UNC5C: variants seen among roughly 807,000 people sequenced by gnomAD.
UNC5C encodes netrin receptor UNC5C.
A neutral mutation model predicts 99.8 loss-of-function variants in UNC5C; 47 were observed. The ratio of observed to expected loss-of-function variants is 0.47; its 90% confidence interval spans 0.37 to 0.60. UNC5C has a LOEUF of 0.60. UNC5C is among the 20% of genes least tolerant of loss of function. The probability of loss-of-function intolerance (pLI) is 0.00; values close to 1 mark genes in which losing one functional copy is unlikely to be tolerated. For missense variants in UNC5C, 1,062 were observed against 1,165.9 expected (o/e 0.91, Z 1.30); for synonymous variants, 487 against 452.2 (o/e 1.08, Z -0.98).
intron 1 of UNC5C, among the ~76,000 whole-genome samples, chr4:95,413,604 G>A (rs181349022): frequency 6.6e-6 from 1 of 152,200 alleles, no homozygotes; most frequent in Non-Finnish European, 1.5e-5. Context: ...GGAAATGAAG[G>A]TTTGAAAGCT....
chr4:95,390,247 G>A (rs1745318923), intron 1 of UNC5C, among the ~76,000 whole-genome samples: 1 of 152,112 alleles, frequency 6.6e-6, no homozygotes, highest in Non-Finnish European at 1.5e-5. Context: ...TTGTTAAGAT[G>A]CTTAGCCTGA....
Position 95,167,253 on chromosome 4 carries a change from G to C in UNC5C, c.*1981C>G, listed in dbSNP as rs1579189783. 6.6e-6 allele frequency: 1 copy of C among 152,184 alleles called. No individual in the cohort carries two copies. Among genetic ancestry groups the C allele is most frequent in the South Asian group, 2.1e-4 (1 of 4,824 alleles). The allele number at this position is 152,184 out of a possible 1,614,324, so 9.4% of individuals were successfully genotyped here. On this transcript the variant is annotated 3_prime_UTR_variant, in exon 16 of 16. Coordinates refer to ENST00000453304, the MANE Select transcript of UNC5C (RefSeq NM_003728.4). ...TTCCGATTCATACACATGTCTGCTT[G>C]TTCTTCAGTTTTGGTTTTGCTACTG... is the stretch of plus-strand genomic sequence containing the variant.
intron 1 of UNC5C, among the ~76,000 whole-genome samples, chr4:95,514,981 G>A (rs1485446804): frequency 6.6e-6 from 1 of 151,934 alleles, no homozygotes; most frequent in African/African-American, 2.4e-5. Context: ...CCTAAATGAG[G>A]AGATATTTAA....
intron 14 of UNC5C, among the ~76,000 whole-genome samples, chr4:95,173,862 A>G (rs1318839997): frequency 6.6e-6 from 1 of 151,974 alleles, no homozygotes; most frequent in Non-Finnish European, 1.5e-5. Flanking sequence ...CTGTGAATCC[A>G]TCTGGTCCTG....
chr4:95,263,777 A>G (rs1740332687), intron 4 of UNC5C, among the ~76,000 whole-genome samples: 2 of 152,198 alleles, frequency 1.3e-5, no homozygotes, highest in Admixed American at 6.5e-5. Flanking sequence ...GTGAGGTTTG[A>G]AAAGGATACT....
intron 7 of UNC5C, among the ~76,000 whole-genome samples, chr4:95,228,412 A>G (rs923282930): frequency 6.6e-6 from 1 of 152,256 alleles, no homozygotes; most frequent in South Asian, 2.1e-4. Flanking sequence ...AAATGTCATA[A>G]CTTCTGAACA....
chr4:95,236,517 G>T (rs1375385757), intron 7 of UNC5C, among the ~76,000 whole-genome samples: 1 of 151,530 alleles, frequency 6.6e-6, no homozygotes, highest in African/African-American at 2.4e-5. Context: ...CACGAACGTG[G>T]CACATGTATA....
At position 95,483,578 on chromosome 4, in the gene UNC5C, C is replaced by T. The variant is rs569591854; in HGVS notation, c.124+65156G>A. ...GAATGAATTTAGTAAGGCTGAGAAA[C>T]AGACCCTTTTATGGTTCTATATTGT... On this transcript the variant is annotated intron_variant, in intron 1 of 15. Transcript: ENST00000453304. Among the ~76,000 whole-genome samples, 19 of 151,840 alleles carry T rather than the reference C, an allele frequency of 1.3e-4. No individual in the cohort carries two copies. The East Asian group carries it at 3.5e-3, about 28-fold the overall frequency.
At chr4:95,504,135 C>T (rs1721849067) in intron 1 of UNC5C, among the ~76,000 whole-genome samples, 1 of 152,146 alleles carries the variant, frequency 6.6e-6, no homozygotes, top group Non-Finnish European at 1.5e-5. Flanking sequence ...TGAAGTCCCA[C>T]CGACATTTTC....
intron 2 of UNC5C, among the ~76,000 whole-genome samples, chr4:95,319,375 T>C (rs1742594193): frequency 6.6e-6 from 1 of 152,180 alleles, no homozygotes; most frequent in Non-Finnish European, 1.5e-5. Flanking sequence ...GGAAACTTTC[T>C]TCCAGAACAC....
chr4:95,447,508 T>A (rs1258601123), intron 1 of UNC5C, among the ~76,000 whole-genome samples: 4 of 152,198 alleles, frequency 2.6e-5, no homozygotes, highest in Admixed American at 2.6e-4. Flanking sequence ...TATTTATTTT[T>A]TTATTTATTT....
chr4:95,528,171 A>AGCTTTTTGAATTTAAAATC (rs1232425406), intron 1 of UNC5C, among the ~76,000 whole-genome samples: 1 of 152,218 alleles, frequency 6.6e-6, no homozygotes, highest in African/African-American at 2.4e-5. Flanking sequence ...TAGGCAAAAC[A>AGCTTTTTGAATTTAAAATC]TTCTTATGTT....
At chr4:95,185,423 A>G (rs906294363) in intron 12 of UNC5C, among the ~76,000 whole-genome samples, 4 of 152,204 alleles carry the variant, frequency 2.6e-5, no homozygotes, top group African/African-American at 9.7e-5. Context: ...TTGGCAGTCT[A>G]CATCACACTG....
At position 95,174,921 on chromosome 4, in the gene UNC5C, G is replaced by A. The variant is rs941158336; in HGVS notation, c.2452-4589C>T. Among the ~76,000 whole-genome samples, 6 of 149,976 alleles carry A rather than the reference G, an allele frequency of 4.0e-5. No homozygotes were observed. In the South Asian group the frequency reaches 1.0e-3, roughly 26 times the overall value. ...CTCAGGACTTGCTTTATGAATCTGGGTGCTCCTGTATTGGGTGCATATATA... is the reference window on the plus strand; with the variant it reads ...CTCAGGACTTGCTTTATGAATCTGGATGCTCCTGTATTGGGTGCATATATA... On this transcript the variant is annotated intron_variant, in intron 14 of 15. Transcript: ENST00000453304.
At chr4:95,310,967 G>C (rs1742254716) in intron 2 of UNC5C, among the ~76,000 whole-genome samples, 2 of 152,036 alleles carry the variant, frequency 1.3e-5, no homozygotes, top group Admixed American at 6.5e-5. Context: ...TCTTTCCTTT[G>C]TGCGAGCATC....
chr4:95,182,492 G>T (rs1258539058), intron 14 of UNC5C, among the ~76,000 whole-genome samples: 3 of 152,108 alleles, frequency 2.0e-5, no homozygotes, highest in Non-Finnish European at 4.4e-5. Context: ...AGGGAGGAGA[G>T]TTGCTGAGAA....
intron 9 of UNC5C, among the ~76,000 whole-genome samples, chr4:95,216,653 T>C (rs1738264239): frequency 6.6e-6 from 1 of 152,170 alleles, no homozygotes; most frequent in Non-Finnish European, 1.5e-5. Flanking sequence ...TCAATGTAAT[T>C]CCACAATGGT....
chr4:95,372,911 A>T (rs1744788558), intron 1 of UNC5C, among the ~76,000 whole-genome samples: 1 of 152,196 alleles, frequency 6.6e-6, no homozygotes, highest in South Asian at 2.1e-4. Flanking sequence ...GGTCCTGATC[A>T]GGAAGAATCC....
intron 3 of UNC5C, among the ~76,000 whole-genome samples, chr4:95,280,097 C>T (rs192139021): frequency 3.3e-5 from 5 of 152,232 alleles, no homozygotes; most frequent in African/African-American, 4.8e-5. Context: ...TAACAGACCA[C>T]GGACCAGTAC....
Sources: allele counts gnomAD v4.1 joint callset (sites outside exome capture counted in the v4.1 genomes callset), GRCh38; gene constraint gnomAD v4.1.1; transcripts MANE v1.5; gene names NCBI Gene and HGNC (gene_info 2026-07-23, HGNC 2026-07-21).